VPS16: variants seen among roughly 807,000 people sequenced by gnomAD.
VPS16 encodes VPS16 core subunit of CORVET and HOPS complexes.
In VPS16, 82 loss-of-function variants were observed where a neutral mutation model predicts 116.0. That is an observed-to-expected ratio of 0.71 (90% CI 0.59 to 0.85). The LOEUF is 0.85. VPS16 is among the 40% of genes least tolerant of loss of function. The pLI is 0.00. For synonymous variants in VPS16, 406 were observed against 420.7 expected, an observed-to-expected ratio of 0.96 and a Z score of 0.43; for missense variants, 928 against 1,090.6, an observed-to-expected ratio of 0.85 and a Z score of 2.10.
rs1346862341 is a variant in VPS16 at position 2,863,913 on chromosome 20, C to T, written c.1477-36C>T. 2 of 1,603,242 alleles carry T rather than the reference C, an allele frequency of 1.2e-6. No homozygotes were observed. Among genetic ancestry groups the T allele is most frequent in the Non-Finnish European group, 8.5e-7 (1 of 1,172,350 alleles). On this transcript the variant is annotated intron_variant, in intron 15 of 23. Coordinates refer to ENST00000380445, the MANE Select transcript of VPS16 (RefSeq NM_022575.4). The surrounding 1 kb of genome is among the most constrained non-coding windows in gnomAD (Gnocchi z 4.4). Reference sequence around the variant, plus strand: ...TGCAGGAGTGGAGAGTGAGGAATGGCATCCAGATGTTTGTGACACCCCGCA... The same window carrying T: ...TGCAGGAGTGGAGAGTGAGGAATGGTATCCAGATGTTTGTGACACCCCGCA...
At chr20:2,849,660 A>G (rs934541509) in intron 1 of VPS16, among the ~76,000 whole-genome samples, 19 of 152,102 alleles carry the variant, frequency 1.2e-4, no homozygotes, top group South Asian at 1.2e-3. Context: ...TTCTCAGAAC[A>G]TGACTCAAGC....
At chr20:2,861,157 C>T (rs551279022) in intron 7 of VPS16, 65 bp downstream of exon 7, 9 of 1,614,100 alleles carry the variant, frequency 5.6e-6, no homozygotes, top group Admixed American at 3.3e-5. Flanking sequence ...TTTGGTGATG[C>T]GGGAGGGCTT....
rs1568620704 is a variant in VPS16, at chr20:2,842,719, T to TCTAG, written c.53+1892_53+1893insCTAG. ...AGATGTATCTATATATAGATAGACA[T>TCTAG]ATGGATGTATCTATCTATAGATACA... On this transcript the variant is annotated intron_variant, in intron 1 of 23. Coordinates refer to ENST00000380445, the MANE Select transcript of VPS16 (RefSeq NM_022575.4). Among the ~76,000 whole-genome samples, 101 of 80,424 alleles carry TCTAG rather than the reference T, an allele frequency of 1.3e-3. 14 individuals carry two copies. Among genetic ancestry groups the TCTAG allele is most frequent in the African/African-American group, 3.3e-3 (54 of 16,228 alleles). 52.8% of individuals were successfully genotyped at this position (80,424 alleles called of 152,430 possible).
chr20:2,857,902 G>C (rs1437204645), intron 1 of VPS16, among the ~76,000 whole-genome samples: 2 of 149,198 alleles, frequency 1.3e-5, no homozygotes. Context: ...GTAGAGACAG[G>C]GTTTCACCGT....
rs1284132566 is a variant in VPS16, at chr20:2,862,803, T to A, written c.1204-4T>A. On this transcript the variant is annotated splice_polypyrimidine_tract_variant and splice_region_variant and intron_variant, in intron 12 of 23. Coordinates refer to ENST00000380445, the MANE Select transcript of VPS16 (RefSeq NM_022575.4). ...CTCTCCTATCGCCCTCTGGCTCTTC[T>A]CAGGCCGCCTCCTTCGGAAAGTGTT... 4.3e-6 allele frequency: 7 copies of A among 1,613,882 alleles called. No individual in the cohort carries two copies. Among genetic ancestry groups the A allele is most frequent in the Non-Finnish European group, 5.9e-6 (7 of 1,180,002 alleles).
At chr20:2,840,867 C>T (rs2088960920) in intron 1 of VPS16, 40 bp downstream of exon 1, 1 of 1,534,934 alleles carries the variant, frequency 6.5e-7, no homozygotes, top group Non-Finnish European at 8.8e-7. Flanking sequence ...CTGGCTTACC[C>T]TGCTCGCCCG....
At chr20:2,846,346 A>C (rs1362238710) in intron 1 of VPS16, among the ~76,000 whole-genome samples, 1 of 151,502 alleles carries the variant, frequency 6.6e-6, no homozygotes, top group Non-Finnish European at 1.5e-5. Context: ...CGAACTCCTG[A>C]CCTCAGGTGA....
chr20:2,842,848 A>C (rs909588420), intron 1 of VPS16, among the ~76,000 whole-genome samples: 23 of 103,582 alleles, frequency 2.2e-4, no homozygotes, highest in East Asian at 1.2e-3. Context: ...ATCTATCGAT[A>C]GATAGATGTA....
chr20:2,841,406 G>A (rs913503754), intron 1 of VPS16, among the ~76,000 whole-genome samples: 1 of 152,170 alleles, frequency 6.6e-6, no homozygotes, highest in African/African-American at 2.4e-5. Flanking sequence ...GAAAAACTAC[G>A]AACTTCTCGT....
chr20:2,840,830 G>A lies in VPS16; in HGVS notation c.53+3G>A. On this transcript the variant is annotated splice_donor_region_variant and intron_variant, in intron 1 of 23. Coordinates refer to ENST00000380445, the MANE Select transcript of VPS16 (RefSeq NM_022575.4). ...CTCGGGGACTCTGCCTTTTACCGGT[G>A]AGCTGCCCCGCCCTCCCGCCCACGG... 1.3e-6 allele frequency: 2 copies of A among 1,547,408 alleles called. No individual in the cohort carries two copies. Among genetic ancestry groups the A allele is most frequent in the East Asian group, 2.4e-5 (1 of 40,850 alleles).
At chr20:2,857,864 C>G (rs920560977) in intron 1 of VPS16, among the ~76,000 whole-genome samples, 13 of 151,486 alleles carry the variant, frequency 8.6e-5, no homozygotes, top group Non-Finnish European at 2.9e-5. Flanking sequence ...GTGCCCACCA[C>G]CACGCCTGGC....
intron 1 of VPS16, among the ~76,000 whole-genome samples, chr20:2,856,004 G>A (rs896648125): frequency 6.6e-6 from 1 of 152,204 alleles, no homozygotes; most frequent in African/African-American, 2.4e-5. Context: ...TTCACAAGTT[G>A]GCTAACTGGC....
chr20:2,854,514 C>G (rs1012582731), intron 1 of VPS16, among the ~76,000 whole-genome samples: 1 of 151,794 alleles, frequency 6.6e-6, no homozygotes, highest in African/African-American at 2.4e-5. Flanking sequence ...AAAATTGAGG[C>G]CGGGCGTGGT....
chr20:2,844,204 A>G lies in VPS16; in HGVS notation c.53+3377A>G, dbSNP rs192007243. Among the ~76,000 whole-genome samples, 145 of 152,362 alleles carry G rather than the reference A, an allele frequency of 9.5e-4. 2 individuals are homozygous for G. Among genetic ancestry groups the G allele is most frequent in the Middle Eastern group, 3.4e-3 (1 of 294 alleles). On this transcript the variant is annotated intron_variant, in intron 1 of 23. Transcript: ENST00000380445. The stretch of plus-strand genomic sequence containing the variant: ...TTTCCACCAGAATGGAAATGCTTTA[A>G]GAGCAAGTACTTAGTTTTGTTCATA...
intron 1 of VPS16, among the ~76,000 whole-genome samples, chr20:2,853,041 C>G (rs1314011863): frequency 6.6e-6 from 1 of 152,192 alleles, no homozygotes; most frequent in African/African-American, 2.4e-5. Flanking sequence ...ATATGTAATA[C>G]TCCGAATCCT....
In VPS16 at chr20:2,865,609, A is replaced by G; in HGVS notation, c.2271+114A>G. 1 of 964,432 alleles carries G rather than the reference A, an allele frequency of 1.0e-6. No homozygotes were observed. The highest frequency in any genetic ancestry group is 1.5e-6 in the Non-Finnish European group (1 of 653,234). 59.7% of individuals were successfully genotyped at this position (964,432 alleles called of 1,614,324 possible). ...TTCATGCTCCTGTTCAGCTGCCCGC[A>G]TAGTTAGCGAGTGCTTCCTGTATAC... On this transcript the variant is annotated intron_variant, in intron 22 of 23. Transcript: ENST00000380445. The surrounding 1 kb of genome is among the most constrained non-coding windows in gnomAD (Gnocchi z 5.2).
At chr20:2,862,218 CAA>C in intron 11 of VPS16, 88 bp downstream of exon 11, 1 of 1,460,704 alleles carries the variant, frequency 6.8e-7, no homozygotes, top group Non-Finnish European at 9.3e-7. Flanking sequence ...TGCCACCTGT[CAA>C]GAGAGGGGTC....
chr20:2,861,092 G>A lies in VPS16; in HGVS notation c.753G>A (p.Lys251=), dbSNP rs369133033. The A allele has an allele frequency of 1.2e-6, 2 of 1,614,212 alleles. No homozygotes were observed. The highest frequency in any genetic ancestry group is 2.7e-5 in the African/African-American group (2 of 75,050). The change falls in exon 7 of 24, where the codon AAG becomes AAA. Residue 251 remains lysine (K), a splice_region_variant and synonymous_variant. Coordinates refer to ENST00000380445, the MANE Select transcript of VPS16 (RefSeq NM_022575.4). ...TCTGGATGGGGACAGCATCACTCAAGGTATGATCCTGGGGCAACACAGGGG... is the reference window on the plus strand; with the variant it reads ...TCTGGATGGGGACAGCATCACTCAAAGTATGATCCTGGGGCAACACAGGGG... The part of the protein sequence containing the change: ...GYIWMGTASL[K]EKLCEFNCNI...
At chr20:2,848,288 G>A (rs1325234782) in intron 1 of VPS16, among the ~76,000 whole-genome samples, 1 of 152,074 alleles carries the variant, frequency 6.6e-6, no homozygotes, top group Non-Finnish European at 1.5e-5. Context: ...CTGTCACTCA[G>A]GCTGGAGTGC....
Sources: allele counts gnomAD v4.1 joint callset (sites outside exome capture counted in the v4.1 genomes callset), GRCh38; gene constraint gnomAD v4.1.1; non-coding constraint Gnocchi (gnomAD v3.1); transcripts MANE v1.5; gene names NCBI Gene and HGNC (gene_info 2026-07-23, HGNC 2026-07-21).